Variants in LRGUK observed in about 807,000 individuals in gnomAD.
LRGUK encodes leucine-rich repeat and guanylate kinase domain-containing protein.
In LRGUK, 65 loss-of-function variants were observed where a neutral mutation model predicts 76.0. The observed-to-expected ratio is 0.85, with a 90% CI of 0.70 to 1.05. LRGUK has a LOEUF of 1.05. LRGUK is among the 50% of genes least tolerant of loss of function. The probability of loss-of-function intolerance (pLI) is 0.00; values close to 1 mark genes in which losing one functional copy is unlikely to be tolerated. For missense variants in LRGUK, 758 were observed against 732.8 expected, an observed-to-expected ratio of 1.03 and a Z score of -0.40; for synonymous variants, 268 against 265.6, an observed-to-expected ratio of 1.01 and a Z score of -0.09.
chr7:134,140,122 C>A (rs1797710370), intron 3 of LRGUK, among the ~76,000 whole-genome samples: 1 of 152,034 alleles, frequency 6.6e-6, no homozygotes, highest in African/African-American at 2.4e-5. Flanking sequence ...GCACGCACCA[C>A]CACGACTGGC....
intron 18 of LRGUK, among the ~76,000 whole-genome samples, chr7:134,250,378 GATT>G (rs1443639619): frequency 2.0e-5 from 3 of 152,132 alleles, no homozygotes; most frequent in Non-Finnish European, 4.4e-5. Context: ...CTAGTGATAA[GATT>G]ATGGCCAGTT....
intron 16 of LRGUK, among the ~76,000 whole-genome samples, chr7:134,245,280 C>T (rs1176105636): frequency 6.6e-6 from 1 of 152,170 alleles, no homozygotes; most frequent in African/African-American, 2.4e-5. Flanking sequence ...AACAACCCCT[C>T]TTCTATTTCA....
chr7:134,219,710 G>GTCTC (rs987873893), intron 15 of LRGUK, among the ~76,000 whole-genome samples: 1 of 150,638 alleles, frequency 6.6e-6, no homozygotes, highest in African/African-American at 2.5e-5. Context: ...CTCTCTCTCT[G>GTCTC]TCTCTCTCTC....
intron 16 of LRGUK, among the ~76,000 whole-genome samples, chr7:134,245,202 A>C (rs1802270442): frequency 6.6e-6 from 1 of 152,196 alleles, no homozygotes; most frequent in African/African-American, 2.4e-5. Flanking sequence ...AACAAACAAA[A>C]AACAAAACAA....
intron 11 of LRGUK, among the ~76,000 whole-genome samples, chr7:134,189,536 A>T (rs1038814549): frequency 1.5e-4 from 23 of 152,178 alleles, no homozygotes; most frequent in Non-Finnish European, 2.9e-4. Context: ...ACATCAGTGG[A>T]GCCATGTCTT....
intron 12 of LRGUK, 39 bp downstream of exon 12, chr7:134,191,790 A>G: frequency 7.5e-7 from 1 of 1,329,480 alleles, no homozygotes; most frequent in Non-Finnish European, 1.1e-6. Context: ...CACAAGAAAT[A>G]CACGTTCTCT....
At chr7:134,249,900 A>G (rs957835862) in intron 18 of LRGUK, among the ~76,000 whole-genome samples, 1 of 152,172 alleles carries the variant, frequency 6.6e-6, no homozygotes, top group East Asian at 1.9e-4. Context: ...GGTTGGGTCA[A>G]TTGCCATCTA....
chr7:134,199,197 A>C (rs1800643634), intron 13 of LRGUK, 23 bp from the exon 14 acceptor site: 1 of 1,600,568 alleles, frequency 6.2e-7, no homozygotes, highest in African/African-American at 1.3e-5. Context: ...TTTCCAATTT[A>C]TTATCTTCCT....
intron 16 of LRGUK, among the ~76,000 whole-genome samples, chr7:134,234,742 C>T (rs1376132379): frequency 1.3e-5 from 2 of 151,768 alleles, no homozygotes; most frequent in South Asian, 2.1e-4. Context: ...CTTTGTCCTT[C>T]CCTTTCTTTC....
chr7:134,177,856 A>C (rs1799547542), intron 9 of LRGUK, among the ~76,000 whole-genome samples: 1 of 152,236 alleles, frequency 6.6e-6, no homozygotes, highest in South Asian at 2.1e-4. Flanking sequence ...AACATTTTGC[A>C]AAAGGAATAC....
intron 16 of LRGUK, among the ~76,000 whole-genome samples, chr7:134,243,862 C>T (rs1457800494): frequency 6.6e-6 from 1 of 152,052 alleles, no homozygotes; most frequent in Non-Finnish European, 1.5e-5. Flanking sequence ...AGATATAGAC[C>T]AATGGAACAG....
chr7:134,244,708 A>G (rs898218742), intron 16 of LRGUK, among the ~76,000 whole-genome samples: 3 of 152,220 alleles, frequency 2.0e-5, no homozygotes, highest in Admixed American at 6.5e-5. Flanking sequence ...TACTGGGCAT[A>G]TACCCAAAAG....
intron 6 of LRGUK, among the ~76,000 whole-genome samples, chr7:134,160,438 TTTTCCA>T (rs1365870096): frequency 2.0e-5 from 3 of 152,214 alleles, no homozygotes; most frequent in Non-Finnish European, 4.4e-5. Flanking sequence ...AAAGGTTTTC[TTTTCCA>T]AAGTTTAATA....
chr7:134,199,490 G>A, intron 14 of LRGUK, 69 bp downstream of exon 14: 1 of 1,391,234 alleles, frequency 7.2e-7, no homozygotes, highest in African/African-American at 1.4e-5. Context: ...TGTTTCATGG[G>A]GATAAAATTC....
At chr7:134,230,500 A>G (rs1288332281) in intron 16 of LRGUK, among the ~76,000 whole-genome samples, 3 of 152,226 alleles carry the variant, frequency 2.0e-5, no homozygotes, top group Non-Finnish European at 4.4e-5. Context: ...TATACCCAAT[A>G]GAAATGACTG....
chr7:134,162,381 C>T (rs192534022), intron 6 of LRGUK, among the ~76,000 whole-genome samples: 2 of 152,292 alleles, frequency 1.3e-5, no homozygotes, highest in East Asian at 3.9e-4. Context: ...TTCTCTCCAA[C>T]ACAGTAGCTG....
At chr7:134,209,583 A>G (rs1428675694) in exon 16 of LRGUK, 4 of 398,756 alleles carry the variant, frequency 1.0e-5, no homozygotes, top group Non-Finnish European at 1.8e-5. Context: ...GCTCCCCTCC[A>G]GAGCAGGAGG....
intron 10 of LRGUK, among the ~76,000 whole-genome samples, chr7:134,183,266 G>A (rs979153848): frequency 5.3e-5 from 8 of 152,228 alleles, no homozygotes; most frequent in Middle Eastern, 3.2e-3. Context: ...GGTAATGGAT[G>A]TATGACTCTT....
chr7:134,187,244 T>C, intron 11 of LRGUK, among the ~76,000 whole-genome samples: 1 of 152,110 alleles, frequency 6.6e-6, no homozygotes, highest in Non-Finnish European at 1.5e-5. Context: ...TTGTTTAGAT[T>C]TTCTTTTCTA....
Sources: gnomAD v4.1 joint callset for allele counts (sites outside exome capture counted in the v4.1 genomes callset) on GRCh38, gnomAD v4.1.1 for gene constraint, MANE v1.5 for transcripts, NCBI Gene and HGNC (gene_info 2026-07-23, HGNC 2026-07-21) for gene names.